Variants in CACNA2D1 observed in about 807,000 individuals in gnomAD.
The protein encoded by CACNA2D1 is voltage-dependent calcium channel subunit alpha-2/delta-1.
In CACNA2D1, 53 loss-of-function variants were observed where a neutral mutation model predicts 171.5. The observed-to-expected ratio is 0.31, with a 90% CI of 0.25 to 0.39. The LOEUF (loss-of-function observed/expected upper bound fraction) is 0.39, where lower values mean the gene tolerates loss of function less well. Ranked by LOEUF, CACNA2D1 falls within the 10% of genes least tolerant of loss-of-function variation. The pLI is 1.00. For missense variants in CACNA2D1, 903 were observed against 1,299.8 expected, an observed-to-expected ratio of 0.69 and a Z score of 4.69; for synonymous variants, 442 against 443.1, an observed-to-expected ratio of 1.00 and a Z score of 0.03.
At chr7:82,087,135 CACATCAGT>C (rs1810567639) in intron 6 of CACNA2D1, among the ~76,000 whole-genome samples, 1 of 152,144 alleles carries the variant, frequency 6.6e-6, no homozygotes, top group South Asian at 2.1e-4. Context: ...GCACACCTAT[CACATCAGT>C]ACGGTTTATA....
chr7:82,060,671 A>G (rs916476063), intron 9 of CACNA2D1, 144 bp from the exon 10 acceptor site: 2 of 510,104 alleles, frequency 3.9e-6, no homozygotes, highest in Non-Finnish European at 6.7e-6. Flanking sequence ...TCAGTTTAAA[A>G]AGTTACATTT....
At position 82,066,629 on chromosome 7, in the gene CACNA2D1, T is replaced by C. The variant is rs1036519407; in HGVS notation, c.659-105A>G. On this transcript the variant is annotated intron_variant, in intron 7 of 38. Transcript: ENST00000356860. The stretch of plus-strand genomic sequence containing the variant: ...AAAAGCAATAGATACATAATTTCAC[T>C]TACGTACTTCAATGTTCAAATGAGA... 4 of 1,445,806 alleles carry C rather than the reference T, an allele frequency of 2.8e-6. No individual in the cohort carries two copies. The African/African-American group carries it at 5.8e-5, about 21-fold the overall frequency. The allele number at this position is 1,445,806 out of a possible 1,614,324, so 89.6% of individuals were successfully genotyped here.
At chr7:82,371,159 T>G (rs1822363829) in intron 1 of CACNA2D1, among the ~76,000 whole-genome samples, 1 of 152,166 alleles carries the variant, frequency 6.6e-6, no homozygotes, top group South Asian at 2.1e-4. Context: ...AAATAATGCA[T>G]AGTAATGTAA....
Position 81,950,510 on chromosome 7 carries a change from T to A in CACNA2D1, c.3160-2A>T. 1 of 1,606,632 alleles carries A rather than the reference T, an allele frequency of 6.2e-7. No homozygotes were observed. Among genetic ancestry groups the A allele is most frequent in the Non-Finnish European group, 8.5e-7 (1 of 1,177,232 alleles). On this transcript the variant is annotated splice_acceptor_variant, in intron 38 of 38. Coordinates refer to ENST00000356860, the MANE Select transcript of CACNA2D1 (RefSeq NM_000722.4). LOFTEE classifies it high-confidence loss of function. ...ACCACCACAGTCAGTATAATCCTCC[T>A]GTTGTTAAAAAAAAAAGAAAAGAAC... is the stretch of plus-strand genomic sequence containing the variant.
At chr7:82,304,848 G>A (rs948668384) in intron 3 of CACNA2D1, among the ~76,000 whole-genome samples, 3 of 152,036 alleles carry the variant, frequency 2.0e-5, no homozygotes, top group South Asian at 2.1e-4. Flanking sequence ...TGTATATCTC[G>A]AAATAGCTAG....
chr7:82,093,077 G>A (rs116996953), intron 6 of CACNA2D1, among the ~76,000 whole-genome samples: 2,144 of 151,738 alleles, frequency 0.014, 26 homozygotes, highest in Middle Eastern at 0.024. Context: ...TTTTTAAAAT[G>A]AGCATGTGAA....
At chr7:82,085,131 T>C (rs1272057701) in intron 6 of CACNA2D1, among the ~76,000 whole-genome samples, 1 of 152,194 alleles carries the variant, frequency 6.6e-6, no homozygotes, top group Non-Finnish European at 1.5e-5. Flanking sequence ...GTTTATACTC[T>C]GGAGAGAATT....
In CACNA2D1 at chr7:81,971,604, A is replaced by G. The variant is rs374875102; in HGVS notation, c.2141+173T>C. ...GAGTAATAGCAGACATTAGTACTGA[A>G]AAACACCCACAACTGAAAATGCAAG... On this transcript the variant is annotated intron_variant, in intron 26 of 38. Transcript: ENST00000356860. Among the ~76,000 whole-genome samples, 399 of 151,852 alleles carry G rather than the reference A, an allele frequency of 2.6e-3. 3 individuals carry two copies. The highest frequency in any genetic ancestry group is 6.8e-3 in the African/African-American group (284 of 41,520).
At chr7:82,005,704 A>C in intron 17 of CACNA2D1, 61 bp downstream of exon 17, 1 of 1,161,666 alleles carries the variant, frequency 8.6e-7, no homozygotes, top group Non-Finnish European at 1.3e-6. Context: ...CTAAGTGCCA[A>C]GCTAAGTTAG....
intron 19 of CACNA2D1, among the ~76,000 whole-genome samples, chr7:81,995,798 C>CAAAAAAAAAAA (rs59979323): frequency 2.0e-5 from 2 of 101,552 alleles, no homozygotes; most frequent in African/African-American, 6.9e-5. Context: ...GACTCCACCT[C>CAAAAAAAAAAA]AAAAAAAAAA....
intron 6 of CACNA2D1, among the ~76,000 whole-genome samples, chr7:82,112,483 C>G (rs185537806): frequency 6.6e-6 from 1 of 152,150 alleles, no homozygotes; most frequent in African/African-American, 2.4e-5. Flanking sequence ...CAGATACAGA[C>G]TTTAGAGCAC....
intron 1 of CACNA2D1, among the ~76,000 whole-genome samples, chr7:82,426,235 T>C (rs1166918547): frequency 1.3e-5 from 2 of 152,072 alleles, no homozygotes; most frequent in African/African-American, 4.8e-5. Context: ...TAGTCATCAG[T>C]CTTTGATTTC....
At chr7:82,149,653 G>A (rs1793557867) in intron 4 of CACNA2D1, among the ~76,000 whole-genome samples, 1 of 152,020 alleles carries the variant, frequency 6.6e-6, no homozygotes, top group Non-Finnish European at 1.5e-5. Context: ...GTATGTGCTT[G>A]GCCGGGTGCT....
intron 6 of CACNA2D1, among the ~76,000 whole-genome samples, chr7:82,098,208 A>T (rs1812163986): frequency 6.6e-6 from 1 of 152,130 alleles, no homozygotes; most frequent in Non-Finnish European, 1.5e-5. Flanking sequence ...TGTAGACCCA[A>T]CTCTCACAAA....
At chr7:82,265,434 T>TTTTC (rs1213242199) in intron 3 of CACNA2D1, among the ~76,000 whole-genome samples, 3 of 150,016 alleles carry the variant, frequency 2.0e-5, no homozygotes, top group African/African-American at 7.3e-5. Context: ...TTTTTTTTTT[T>TTTTC]TTTGGTGTCA....
At chr7:82,014,554 T>C in intron 12 of CACNA2D1, 75 bp from the exon 13 acceptor site, 1 of 821,602 alleles carries the variant, frequency 1.2e-6, no homozygotes, top group Non-Finnish European at 2.1e-6. Flanking sequence ...ACAGCTAAAA[T>C]TTCTATTGAA....
At chr7:82,388,270 A>G (rs1176887946) in intron 1 of CACNA2D1, among the ~76,000 whole-genome samples, 1 of 152,172 alleles carries the variant, frequency 6.6e-6, no homozygotes, top group Non-Finnish European at 1.5e-5. Flanking sequence ...TTTCACAATC[A>G]AAGGAGATCA....
chr7:82,177,912 A>G (rs115129642), intron 3 of CACNA2D1, among the ~76,000 whole-genome samples: 1,770 of 152,264 alleles, frequency 0.012, 33 homozygotes, highest in African/African-American at 0.04. Context: ...TTTTGCAGCC[A>G]CATTACAGAT....
intron 1 of CACNA2D1, among the ~76,000 whole-genome samples, chr7:82,398,659 C>A (rs1280391673): frequency 6.6e-6 from 1 of 151,696 alleles, no homozygotes; most frequent in Non-Finnish European, 1.5e-5. Context: ...CTCACTGCAG[C>A]CTCAAACCCC....
Sources: allele counts gnomAD v4.1 joint callset (sites outside exome capture counted in the v4.1 genomes callset), GRCh38; gene constraint gnomAD v4.1.1; transcripts MANE v1.5; gene names NCBI Gene and HGNC (gene_info 2026-07-23, HGNC 2026-07-21).